UBR4: variants seen among roughly 807,000 people sequenced by gnomAD.
The protein encoded by UBR4 is ubiquitin protein ligase E3 component n-recognin 4, also known as E3 ubiquitin-protein ligase UBR4.
Under a neutral mutation model 575.6 loss-of-function variants are expected in UBR4, and 124 were observed. The observed-to-expected ratio is 0.22, with a 90% confidence interval of 0.19 to 0.25. The LOEUF is 0.25. UBR4 is among the 10% of genes least tolerant of loss of function. The pLI, the probability that UBR4 is intolerant of heterozygous loss-of-function variation, is 1.00. For synonymous variants in UBR4, 2,455 were observed against 2,473.7 expected, an observed-to-expected ratio of 0.99 and a Z score of 0.22; for missense variants, 4,818 against 6,478.8, an observed-to-expected ratio of 0.74 and a Z score of 8.80.
In UBR4 at chr1:19,100,610, G is replaced by A. The variant is rs755708315; in HGVS notation, c.13024-37C>T. ...ACAGAAGGGTGCATCAGAAGGGATG[G>A]CAGAGGTGGAGATTTATACCATGCT... On this transcript the variant is annotated intron_variant, in intron 88 of 105. Transcript: ENST00000375254. This position sits in a 1 kb window ranked among gnomAD's most constrained non-coding sequence, Gnocchi z 4.2. The A allele has an allele frequency of 1.2e-6, 2 of 1,601,360 alleles. No homozygotes were observed. The highest frequency in any genetic ancestry group is 2.2e-5 in the East Asian group (1 of 44,784).
intron 64 of UBR4, 105 bp downstream of exon 64, chr1:19,126,341 C>T: frequency 7.2e-7 from 1 of 1,380,388 alleles, no homozygotes; most frequent in Non-Finnish European, 1.0e-6. Flanking sequence ...CGGCTCCTTC[C>T]TATGGCTCTT....
In UBR4 at chr1:19,101,610, A is replaced by G; in HGVS notation, c.12933T>C (p.Ala4311=). 2 of 1,612,508 alleles carry G rather than the reference A, an allele frequency of 1.2e-6. No homozygotes were observed. Among genetic ancestry groups the G allele is most frequent in the Non-Finnish European group, 1.7e-6 (2 of 1,178,554 alleles). Reference sequence around the variant, plus strand: ...AGCGCTTGGCTGTCTCAATGCACACAGCCATGAAGGCCTTGGTTTCTGATT... The same window carrying G: ...AGCGCTTGGCTGTCTCAATGCACACGGCCATGAAGGCCTTGGTTTCTGATT... ...GTESETKAFM[A]VCIETAKRYN... Residue 4311 remains alanine (A), a synonymous_variant, in exon 88 of 106, where the codon GCT becomes GCC. Transcript: ENST00000375254.
At chr1:19,096,671 A>C (rs1325728303) in intron 91 of UBR4, 21 bp from the exon 92 acceptor site, 7 of 1,613,098 alleles carry the variant, frequency 4.3e-6, no homozygotes, top group Non-Finnish European at 5.9e-6. Flanking sequence ...AGGGAAGCCA[A>C]GCAGAAATGG....
At chr1:19,156,224 AAGT>A in intron 42 of UBR4, 44 bp downstream of exon 42, 1 of 1,599,574 alleles carries the variant, frequency 6.3e-7, no homozygotes, top group Non-Finnish European at 8.5e-7. Flanking sequence ...CTGGATTTAA[AAGT>A]AGAAAAATTC....
chr1:19,192,061 G>A, intron 11 of UBR4, 127 bp downstream of exon 11: 1 of 916,946 alleles, frequency 1.1e-6, no homozygotes, highest in African/African-American at 1.7e-5. Context: ...CATTATCTTA[G>A]TTGCTAAATT....
intron 100 of UBR4, 75 bp downstream of exon 100, chr1:19,086,604 G>C: frequency 6.4e-7 from 1 of 1,574,178 alleles, no homozygotes; most frequent in Non-Finnish European, 8.6e-7. Flanking sequence ...AAAACCACGA[G>C]GATGGCAGTC....
intron 41 of UBR4, 42 bp downstream of exon 41, chr1:19,156,725 A>G: frequency 6.3e-7 from 1 of 1,587,270 alleles, no homozygotes. Context: ...AATGACTAGA[A>G]TCCACAGCTC....
At chr1:19,147,754 T>C (rs1285563622) in intron 51 of UBR4, among the ~76,000 whole-genome samples, 1 of 152,128 alleles carries the variant, frequency 6.6e-6, no homozygotes, top group Non-Finnish European at 1.5e-5. Context: ...TCTTAAGTCT[T>C]GTTGATCCTG....
chr1:19,188,491 C>G (rs916305294), intron 11 of UBR4, among the ~76,000 whole-genome samples: 1 of 152,022 alleles, frequency 6.6e-6, no homozygotes, highest in African/African-American at 2.4e-5. Flanking sequence ...GAGGTGGAGG[C>G]TGCAGTGAAC....
Position 19,089,035 on chromosome 1 carries a change from C to G in UBR4, c.14212-58G>C, listed in dbSNP as rs2077272214. The G allele has an allele frequency of 1.9e-6, 3 of 1,564,244 alleles. No individual in the cohort carries two copies. The highest frequency in any genetic ancestry group is 1.8e-5 in the Admixed American group (1 of 55,682). Reference sequence around the variant, plus strand: ...CCAATTATGTAGACAAACCTTCTTCCCGGGAGCTTAAAGGTTTAGAAACTC... The same window carrying G: ...CCAATTATGTAGACAAACCTTCTTCGCGGGAGCTTAAAGGTTTAGAAACTC... On this transcript the variant is annotated intron_variant, in intron 97 of 105. Coordinates refer to ENST00000375254, the MANE Select transcript of UBR4 (RefSeq NM_020765.3). The surrounding 1 kb of genome is among the most constrained non-coding windows in gnomAD (Gnocchi z 4.3).
At chr1:19,192,700 C>G (rs576066569) in intron 9 of UBR4, among the ~76,000 whole-genome samples, 160 bp from the exon 10 acceptor site, 2 of 152,296 alleles carry the variant, frequency 1.3e-5, no homozygotes, top group East Asian at 3.9e-4. Flanking sequence ...AGCTGACTCC[C>G]TCTTTTCATT....
chr1:19,154,840 G>C, intron 44 of UBR4, 78 bp downstream of exon 44: 1 of 1,581,882 alleles, frequency 6.3e-7, no homozygotes, highest in Non-Finnish European at 8.7e-7. Context: ...ACTCAGAACA[G>C]ATAGCAGATA....
intron 18 of UBR4, among the ~76,000 whole-genome samples, 170 bp from the exon 19 acceptor site, chr1:19,177,913 T>C (rs2090447015): frequency 6.6e-6 from 1 of 152,048 alleles, no homozygotes; most frequent in South Asian, 2.1e-4. Context: ...AAATTTTGGC[T>C]AAAAAAAGTC....
chr1:19,094,776 A>G (rs914386360), intron 94 of UBR4, 130 bp downstream of exon 94: 8 of 1,292,136 alleles, frequency 6.2e-6, no homozygotes, highest in Non-Finnish European at 8.4e-6. Context: ...GTTGAGTCCT[A>G]ACATTCCAAT....
At chr1:19,135,264 TA>T (rs2083069040) in intron 60 of UBR4, among the ~76,000 whole-genome samples, 1 of 152,216 alleles carries the variant, frequency 6.6e-6, no homozygotes, top group Non-Finnish European at 1.5e-5. Flanking sequence ...CCCATTCCAC[TA>T]ATCTATTTGT....
Position 19,095,029 on chromosome 1 carries a change from T to C in UBR4, c.13627-4A>G, listed in dbSNP as rs1188219004. On this transcript the variant is annotated splice_region_variant and splice_polypyrimidine_tract_variant and intron_variant, in intron 93 of 105. Transcript: ENST00000375254. Reference sequence around the variant, plus strand: ...TTTCTTGTTCAGCTACAAGGGCCTGTAGGAGAAGGAGACTCAGTCACTCTC... The same window carrying C: ...TTTCTTGTTCAGCTACAAGGGCCTGCAGGAGAAGGAGACTCAGTCACTCTC... 3 of 1,614,138 alleles carry C rather than the reference T, an allele frequency of 1.9e-6. No individual in the cohort carries two copies. In the South Asian group the frequency reaches 3.3e-5, roughly 18 times the overall value.
intron 77 of UBR4, chr1:19,113,428 G>C (rs2080130633): frequency 2.1e-6 from 1 of 481,950 alleles, no homozygotes; most frequent in African/African-American, 1.9e-5. Flanking sequence ...GAGATGGGTT[G>C]TTAATGGCTA....
intron 17 of UBR4, among the ~76,000 whole-genome samples, chr1:19,182,670 C>T (rs953123774): frequency 6.6e-6 from 1 of 152,114 alleles, no homozygotes; most frequent in African/African-American, 2.4e-5. Context: ...TGCGTGTAAG[C>T]GAAGTGGTAT....
chr1:19,103,749 A>G (rs1178726431), intron 87 of UBR4, among the ~76,000 whole-genome samples: 1 of 152,222 alleles, frequency 6.6e-6, no homozygotes, highest in East Asian at 1.9e-4. Context: ...GTGAAAATGG[A>G]GTTTCACAAG....
Sources: gnomAD v4.1 joint callset for allele counts (sites outside exome capture counted in the v4.1 genomes callset) on GRCh38, gnomAD v4.1.1 for gene constraint, Gnocchi (gnomAD v3.1) non-coding constraint, MANE v1.5 for transcripts, NCBI Gene and HGNC (gene_info 2026-07-23, HGNC 2026-07-21) for gene names.